GRIA3: variants seen among roughly 807,000 people sequenced by gnomAD.
GRIA3 encodes glutamate ionotropic receptor AMPA type subunit 3.
In GRIA3, 3 loss-of-function variants were observed where a neutral mutation model predicts 63.0. That is an observed-to-expected ratio of 0.05 (90% CI 0.02 to 0.12). The LOEUF is 0.12. GRIA3 is among the 10% of genes least tolerant of loss of function. The pLI, the probability that GRIA3 is intolerant of heterozygous loss-of-function variation, is 1.00. For missense variants in GRIA3, 347 were observed against 700.9 expected, an observed-to-expected ratio of 0.50 and a Z score of 5.70; for synonymous variants, 274 against 257.9, an observed-to-expected ratio of 1.06 and a Z score of -0.60.
At chrX:123,410,789 G>A (rs898592767) in intron 10 of GRIA3, among the ~76,000 whole-genome samples, 1 of 111,563 alleles carries the variant, frequency 9.0e-6, no homozygotes, top group Non-Finnish European at 1.9e-5. Flanking sequence ...TATGCCATTC[G>A]AAGCAGAAAG....
intron 10 of GRIA3, among the ~76,000 whole-genome samples, chrX:123,415,476 G>A (rs2045531871): frequency 9.0e-6 from 1 of 111,198 alleles, no homozygotes; most frequent in Non-Finnish European, 1.9e-5. Flanking sequence ...GGGGGAGGGG[G>A]AACTGAGATG....
chrX:123,466,762 C>T (rs1410894510), intron 13 of GRIA3, among the ~76,000 whole-genome samples: 1 of 112,355 alleles, frequency 8.9e-6, no homozygotes, highest in Admixed American at 9.4e-5. Flanking sequence ...ACCTCTTGTA[C>T]GACCAAGATC....
intron 4 of GRIA3, among the ~76,000 whole-genome samples, chrX:123,336,434 G>A (rs1469140017): frequency 4.5e-5 from 5 of 111,246 alleles, no homozygotes; most frequent in Non-Finnish European, 9.4e-5. Flanking sequence ...CTTTACTTCA[G>A]TCCAGATTTG....
chrX:123,226,231 A>AT (rs756341145), intron 2 of GRIA3, among the ~76,000 whole-genome samples: 95 of 111,669 alleles, frequency 8.5e-4, no homozygotes, highest in African/African-American at 2.6e-3. Context: ...AAAAAACAAC[A>AT]TAACAACAGT....
chrX:123,463,666 AAG>A (rs1474090944), intron 12 of GRIA3, among the ~76,000 whole-genome samples: 1 of 51,928 alleles, frequency 1.9e-5, no homozygotes, highest in Non-Finnish European at 3.1e-5. Flanking sequence ...GAAAGAAAGA[AAG>A]AAAGAAAGAA....
chrX:123,483,937 A>G (rs2045927653), intron 15 of GRIA3, among the ~76,000 whole-genome samples: 1 of 111,185 alleles, frequency 9.0e-6, no homozygotes, highest in East Asian at 2.8e-4. Context: ...ATCTCAAAAA[A>G]AAAAATTAGG....
At chrX:123,273,731 C>T (rs187810952) in intron 3 of GRIA3, among the ~76,000 whole-genome samples, 1 of 112,164 alleles carries the variant, frequency 8.9e-6, no homozygotes, top group Admixed American at 9.4e-5. Context: ...CATTCTGGTG[C>T]CCATTCTTGG....
At position 123,410,925 on chromosome X, in the gene GRIA3, T is replaced by C. The variant is rs1295635899; in HGVS notation, c.1500+6011T>C. The stretch of plus-strand genomic sequence containing the variant: ...CCCAAGGACAAGGAGCCCTAATCAA[T>C]AGATCCAGTCGGGGATACCTGTTCT... On this transcript the variant is annotated intron_variant, in intron 10 of 15. Transcript: ENST00000620443. 7.1e-5 allele frequency among the ~76,000 whole-genome samples: 8 copies of C among 112,115 alleles called. No individual in the cohort carries two copies. In the East Asian group the frequency reaches 1.7e-3, roughly 24 times the overall value.
At chrX:123,422,725 T>C (rs755729273) in intron 11 of GRIA3, among the ~76,000 whole-genome samples, 30 of 112,303 alleles carry the variant, frequency 2.7e-4, no homozygotes, top group African/African-American at 9.7e-4. Context: ...TAATAGCTAT[T>C]GTCATTATTA....
rs149800082 is a variant in GRIA3, at chrX:123,313,462, G to A, written c.509-12564G>A. The stretch of plus-strand genomic sequence containing the variant: ...AGGATCAAGGAGTCTCAGCACTCCT[G>A]GAGGCACAGCAGGCAGAATAAGCTA... On this transcript the variant is annotated intron_variant, in intron 3 of 15. Coordinates refer to ENST00000620443, the MANE Select transcript of GRIA3 (RefSeq NM_007325.5). 1.4e-3 allele frequency among the ~76,000 whole-genome samples: 156 copies of A among 111,098 alleles called. 4 individuals carry two copies. In the East Asian group the frequency reaches 0.037, roughly 26 times the overall value.
In GRIA3 at chrX:123,184,566, G is replaced by A. The variant is rs1369079140; in HGVS notation, c.31G>A (p.Val11Met). The A allele has an allele frequency of 1.7e-6, 2 of 1,210,206 alleles. No individual in the cohort carries two copies. The highest frequency in any genetic ancestry group is 4.3e-5 in the Admixed American group (2 of 46,015). ...CAGGCAGAAGAAAATGGGGCAAAGC[G>A]TGCTCCGGGCGGTCTTCTTTTTAGT... MARQKKMGQS[V>M]LRAVFFLVLG... The change falls in exon 1 of 16, where the codon GTG (valine) becomes ATG (methionine). Residue 11 changes from valine (V) to methionine (M), a missense_variant. Physicochemically the swap from Val to Met is conservative, Grantham distance 21. Coordinates refer to ENST00000620443, the MANE Select transcript of GRIA3 (RefSeq NM_007325.5).
In GRIA3 at chrX:123,205,963, T is replaced by G. The variant is rs777931673; in HGVS notation, c.268+19973T>G. Reference sequence around the variant, plus strand: ...ACAGACCACTCCTACTGCTCCTGCGTTGGTATGCCAGTGCTTTACTGTGTT... The same window carrying G: ...ACAGACCACTCCTACTGCTCCTGCGGTGGTATGCCAGTGCTTTACTGTGTT... On this transcript the variant is annotated intron_variant, in intron 2 of 15. Coordinates refer to ENST00000620443, the MANE Select transcript of GRIA3 (RefSeq NM_007325.5). Among the ~76,000 whole-genome samples, 861 of 111,758 alleles carry G rather than the reference T, an allele frequency of 7.7e-3. 6 individuals are homozygous for G. The highest frequency in any genetic ancestry group is 0.013 in the Non-Finnish European group (691 of 53,162).
chrX:123,186,455 G>C (rs777248471), intron 2 of GRIA3, among the ~76,000 whole-genome samples: 51 of 111,952 alleles, frequency 4.6e-4, no homozygotes, highest in Admixed American at 2.5e-3. Context: ...CTCTAGGAAC[G>C]AGCTGAATTT....
chrX:123,312,933 A>C (rs1603086830), intron 3 of GRIA3, among the ~76,000 whole-genome samples: 1 of 111,800 alleles, frequency 8.9e-6, no homozygotes, highest in East Asian at 2.8e-4. Context: ...TTATTGGCAC[A>C]ATGAAGAGAT....
chrX:123,328,737 A>G (rs1383444401), intron 4 of GRIA3, among the ~76,000 whole-genome samples: 1 of 112,054 alleles, frequency 8.9e-6, no homozygotes, highest in East Asian at 2.8e-4. Context: ...ATTTTGCTGT[A>G]TTTCCATCCA....
chrX:123,398,841 T>TA, intron 7 of GRIA3, 38 bp downstream of exon 7: 1 of 1,082,850 alleles, frequency 9.2e-7, no homozygotes, highest in African/African-American at 1.8e-5. Context: ...GGAAGAAACT[T>TA]ATAAAGACAT....
At chrX:123,359,374 A>G (rs922208589) in intron 5 of GRIA3, among the ~76,000 whole-genome samples, 3 of 111,464 alleles carry the variant, frequency 2.7e-5, no homozygotes, top group African/African-American at 9.8e-5. Context: ...GTGGTATACT[A>G]ATGACTAGAA....
intron 13 of GRIA3, among the ~76,000 whole-genome samples, chrX:123,467,528 C>T (rs1414028209): frequency 1.8e-5 from 2 of 112,256 alleles, no homozygotes; most frequent in African/African-American, 6.5e-5. Context: ...AAGTATTTAG[C>T]ACCTGTCTTT....
intron 3 of GRIA3, among the ~76,000 whole-genome samples, chrX:123,284,584 A>G (rs2147302369): frequency 9.0e-6 from 1 of 111,060 alleles, no homozygotes; most frequent in African/African-American, 3.3e-5. Flanking sequence ...AAAACACAGC[A>G]CGAGAACTTC....
Sources: allele counts gnomAD v4.1 joint callset (sites outside exome capture counted in the v4.1 genomes callset), GRCh38; gene constraint gnomAD v4.1.1; transcripts MANE v1.5; gene names NCBI Gene and HGNC (gene_info 2026-07-23, HGNC 2026-07-21).